The following RTL4 variants were observed in gnomAD, a reference collection of about 807,000 sequenced individuals.
The protein encoded by RTL4 is retrotransposon Gag-like protein 4.
RTL4 carries 4 observed loss-of-function variants against 5.3 expected under a neutral mutation model. The observed-to-expected ratio is 0.75, with a 90% CI of 0.37 to 1.72. The LOEUF (loss-of-function observed/expected upper bound fraction) is 1.72. Ranked by LOEUF, RTL4 falls within the 40% of genes most tolerant of loss-of-function variation. RTL4 has a pLI of 0.04. For missense variants in RTL4, 260 were observed against 227.1 expected, an observed-to-expected ratio of 1.14 and a Z score of -0.93; for synonymous variants, 98 against 87.3, an observed-to-expected ratio of 1.12 and a Z score of -0.68.
the RTL4 span, among the ~76,000 whole-genome samples, chrX:112,187,379 A>G: frequency 3.6e-5 from 4 of 111,680 alleles, no homozygotes; most frequent in Admixed American, 9.5e-5. Flanking sequence ...GTGACAGACA[A>G]CATTCAAAAT....
chrX:112,444,408 A>G, the RTL4 span, among the ~76,000 whole-genome samples: 1 of 111,517 alleles, frequency 9.0e-6, no homozygotes, highest in African/African-American at 3.3e-5. Flanking sequence ...TTTGCTCAGG[A>G]TAGCCTTGGC....
chrX:112,340,582 C>T, the RTL4 span, among the ~76,000 whole-genome samples: 2 of 19,802 alleles, frequency 1.0e-4, no homozygotes, highest in African/African-American at 2.2e-4. Context: ...TTCATCTTTT[C>T]GGCGGGGGTG....
chrX:112,176,524 G>A, the RTL4 span, among the ~76,000 whole-genome samples: 1 of 111,146 alleles, frequency 9.0e-6, no homozygotes, highest in East Asian at 2.8e-4. Flanking sequence ...ACTCATTACT[G>A]GGTGTGTCAC....
the RTL4 span, among the ~76,000 whole-genome samples, chrX:112,361,463 T>A: frequency 9.0e-6 from 1 of 111,294 alleles, no homozygotes; most frequent in Non-Finnish European, 1.9e-5. Flanking sequence ...TCAAACATGC[T>A]TTTCATCCTT....
the RTL4 span, among the ~76,000 whole-genome samples, chrX:112,164,653 C>T: frequency 8.9e-6 from 1 of 111,867 alleles, no homozygotes; most frequent in Middle Eastern, 4.2e-3. Context: ...CCTTATTCTA[C>T]CTATCAAGAT....
the RTL4 span, among the ~76,000 whole-genome samples, chrX:112,372,927 T>C: frequency 8.9e-6 from 1 of 111,785 alleles, no homozygotes; most frequent in African/African-American, 3.2e-5. Context: ...GTGTCTTTCC[T>C]TGGAGACACT....
At chrX:112,292,113 T>C in the RTL4 span, among the ~76,000 whole-genome samples, 1 of 111,796 alleles carries the variant, frequency 8.9e-6, no homozygotes, top group African/African-American at 3.3e-5. Context: ...ATTAATCTTG[T>C]CAATAACCTC....
chrX:112,376,413 T>C, the RTL4 span, among the ~76,000 whole-genome samples: 2 of 111,641 alleles, frequency 1.8e-5, no homozygotes, highest in African/African-American at 6.5e-5. Flanking sequence ...CAACTTATGA[T>C]GGATCCACAG....
At chrX:112,394,280 T>C in the RTL4 span, among the ~76,000 whole-genome samples, 2 of 111,689 alleles carry the variant, frequency 1.8e-5, no homozygotes, top group African/African-American at 6.5e-5. Flanking sequence ...TGTACCTGAA[T>C]GTTTCAGCTG....
chrX:112,149,731 C>T, the RTL4 span, among the ~76,000 whole-genome samples: 2 of 112,114 alleles, frequency 1.8e-5, no homozygotes, highest in African/African-American at 6.5e-5. Context: ...GTATAAGGTG[C>T]AATGAATAAG....
the RTL4 span, among the ~76,000 whole-genome samples, chrX:112,362,776 G>A: frequency 1.8e-5 from 2 of 110,707 alleles, no homozygotes; most frequent in Non-Finnish European, 3.8e-5. Flanking sequence ...CCTTACCCAC[G>A]TCTAGGGTAG....
the RTL4 span, among the ~76,000 whole-genome samples, chrX:112,388,313 G>A: frequency 8.9e-6 from 1 of 111,801 alleles, no homozygotes; most frequent in Admixed American, 9.5e-5. Flanking sequence ...GGAGATTTGG[G>A]GCTGAGATTA....
At chrX:112,245,256 G>A in the RTL4 span, among the ~76,000 whole-genome samples, 2 of 111,117 alleles carry the variant, frequency 1.8e-5, no homozygotes, top group Non-Finnish European at 3.8e-5. Flanking sequence ...TGCTAGGTTG[G>A]GGAAGTTTTC....
At chrX:112,101,196 ACAATT>A in the RTL4 span, among the ~76,000 whole-genome samples, 1 of 112,073 alleles carries the variant, frequency 8.9e-6, no homozygotes, top group Non-Finnish European at 1.9e-5. Context: ...GTTTGTGATC[ACAATT>A]CAATCAGGCT....
chrX:112,085,849 C>T, the RTL4 span, among the ~76,000 whole-genome samples: 3 of 111,500 alleles, frequency 2.7e-5, no homozygotes, highest in African/African-American at 3.3e-5. Flanking sequence ...TGTGAGGAAA[C>T]GACATAAAAA....
chrX:112,181,650 G>T, the RTL4 span, among the ~76,000 whole-genome samples: 8 of 111,997 alleles, frequency 7.1e-5, no homozygotes, highest in African/African-American at 2.6e-4. Flanking sequence ...CTCTGGGCAG[G>T]GCATCTCTGA....
the RTL4 span, among the ~76,000 whole-genome samples, chrX:112,370,872 C>A: frequency 9.1e-6 from 1 of 110,420 alleles, no homozygotes; most frequent in Admixed American, 9.7e-5. Context: ...AAAAGAGAAG[C>A]AACAAATGTC....
the RTL4 span, among the ~76,000 whole-genome samples, chrX:112,367,483 T>C: frequency 2.7e-5 from 3 of 112,085 alleles, no homozygotes; most frequent in Non-Finnish European, 5.6e-5. Flanking sequence ...TAAATTATAT[T>C]AGATATCTTC....
chrX:112,246,603 G>A, the RTL4 span, among the ~76,000 whole-genome samples: 487 of 111,563 alleles, frequency 4.4e-3, 2 homozygotes, highest in Non-Finnish European at 7.3e-3. Flanking sequence ...TCAGTGTCCC[G>A]ATTTTCCAGG....
Sources: allele counts gnomAD v4.1 joint callset (sites outside exome capture counted in the v4.1 genomes callset), GRCh38; gene constraint gnomAD v4.1.1; transcripts MANE v1.5; gene names NCBI Gene and HGNC (gene_info 2026-07-23, HGNC 2026-07-21).